OPCML: variants seen among roughly 807,000 people sequenced by gnomAD.
The protein encoded by OPCML is opioid binding protein/cell adhesion molecule like, also known as opioid-binding protein/cell adhesion molecule.
Under a neutral mutation model 37.8 loss-of-function variants are expected in OPCML, and 13 were observed. The observed-to-expected ratio is 0.34, with a 90% CI of 0.22 to 0.55. The LOEUF (loss-of-function observed/expected upper bound fraction) is 0.55. Among genes scored for constraint, OPCML ranks in the 20% least tolerant of loss-of-function variants. The pLI, the probability that OPCML is intolerant of heterozygous loss-of-function variation, is 0.91. For missense variants in OPCML, 341 were observed against 435.6 expected, an observed-to-expected ratio of 0.78 and a Z score of 1.93; for synonymous variants, 176 against 168.8, an observed-to-expected ratio of 1.04 and a Z score of -0.33.
chr11:133,327,362 A>G (rs557812894), intron 1 of OPCML, among the ~76,000 whole-genome samples: 22 of 152,006 alleles, frequency 1.4e-4, no homozygotes, highest in African/African-American at 5.3e-4. Flanking sequence ...CTCTAGGATT[A>G]CTGCTTGTGT....
intron 2 of OPCML, among the ~76,000 whole-genome samples, chr11:132,938,840 G>C (rs1344209553): frequency 6.6e-6 from 1 of 152,186 alleles, no homozygotes; most frequent in Non-Finnish European, 1.5e-5. Context: ...AAGGGCTTTA[G>C]AGCAGTGTTC....
chr11:132,657,818 G>A (rs1164242262), intron 2 of OPCML, among the ~76,000 whole-genome samples: 9 of 152,160 alleles, frequency 5.9e-5, no homozygotes, highest in East Asian at 5.8e-4. Context: ...CTAAGCAGCC[G>A]AAAGCCTGCA....
intron 2 of OPCML, among the ~76,000 whole-genome samples, chr11:132,828,632 A>T (rs989106913): frequency 2.0e-5 from 3 of 152,114 alleles, no homozygotes; most frequent in African/African-American, 4.8e-5. Context: ...AACAGAAAAA[A>T]AAAGTGGAAT....
chr11:132,879,971 T>C (rs1216161476), intron 2 of OPCML, among the ~76,000 whole-genome samples: 1 of 152,216 alleles, frequency 6.6e-6, no homozygotes, highest in Non-Finnish European at 1.5e-5. Flanking sequence ...AGCACATTCT[T>C]TCTTGTCTTC....
intron 1 of OPCML, among the ~76,000 whole-genome samples, chr11:133,493,289 T>A (rs951934059): frequency 6.6e-6 from 1 of 152,190 alleles, no homozygotes; most frequent in African/African-American, 2.4e-5. Context: ...CCCAGCACCC[T>A]TTGGGGAGAT....
chr11:132,666,323 A>G (rs540131451), intron 2 of OPCML, among the ~76,000 whole-genome samples: 2 of 152,316 alleles, frequency 1.3e-5, no homozygotes, highest in South Asian at 4.1e-4. Context: ...CAAGAAAGAC[A>G]GAGAGGAGAT....
intron 2 of OPCML, among the ~76,000 whole-genome samples, chr11:132,762,683 T>C (rs1946305919): frequency 6.6e-6 from 1 of 152,128 alleles, no homozygotes; most frequent in South Asian, 2.1e-4. Flanking sequence ...TCGAGAGTCC[T>C]AGGTCAACTT....
intron 2 of OPCML, among the ~76,000 whole-genome samples, chr11:132,885,225 T>G (rs1164431246): frequency 1.3e-5 from 2 of 152,250 alleles, no homozygotes. Context: ...TAGCAATGTC[T>G]AAAATCCGGG....
chr11:133,507,009 G>C (rs2120586930), intron 1 of OPCML, among the ~76,000 whole-genome samples: 1 of 152,318 alleles, frequency 6.6e-6, no homozygotes, highest in South Asian at 2.1e-4. Flanking sequence ...TTTTATCCCT[G>C]CATGTGGGTC....
rs143494825 is a variant in OPCML, at chr11:132,548,713, G to C, written c.380-19527C>G. 1.9e-3 allele frequency among the ~76,000 whole-genome samples: 286 copies of C among 152,224 alleles called. 2 individuals carry two copies. Among genetic ancestry groups the C allele is most frequent in the African/African-American group, 5.9e-3 (247 of 41,540 alleles). On this transcript the variant is annotated intron_variant, in intron 3 of 7. Coordinates refer to ENST00000524381, the MANE Select transcript of OPCML (RefSeq NM_001012393.5). Reference sequence around the variant, plus strand: ...CAAAAACCAAGTGAACTACTTGAAGGCTGGACCCAAGTTAAATTCAAGCTA... The same window carrying C: ...CAAAAACCAAGTGAACTACTTGAAGCCTGGACCCAAGTTAAATTCAAGCTA...
chr11:133,321,192 A>G (rs1421221236), intron 1 of OPCML, among the ~76,000 whole-genome samples: 1 of 152,166 alleles, frequency 6.6e-6, no homozygotes, highest in Non-Finnish European at 1.5e-5. Context: ...CCCATAATGT[A>G]TTCCTTTTCT....
intron 2 of OPCML, among the ~76,000 whole-genome samples, chr11:132,676,592 C>CA (rs1455755787): frequency 6.6e-6 from 1 of 151,244 alleles, no homozygotes; most frequent in Non-Finnish European, 1.5e-5. Context: ...TCAAGAACAA[C>CA]AAAAAATCCA....
intron 2 of OPCML, among the ~76,000 whole-genome samples, chr11:132,765,498 C>T (rs1489318680): frequency 6.6e-6 from 1 of 152,146 alleles, no homozygotes; most frequent in African/African-American, 2.4e-5. Context: ...CTGTTATTTC[C>T]ATCTCTTAAT....
intron 3 of OPCML, among the ~76,000 whole-genome samples, chr11:132,589,345 C>T (rs963183685): frequency 5.3e-5 from 8 of 152,160 alleles, no homozygotes; most frequent in Non-Finnish European, 7.3e-5. Context: ...CATTGAACAT[C>T]TCTATTGTTA....
Position 133,339,860 on chromosome 11 carries a change from A to C in OPCML, c.61+192404T>G, listed in dbSNP as rs185783231. 6.7e-4 allele frequency among the ~76,000 whole-genome samples: 102 copies of C among 152,314 alleles called. 1 individual carries two copies. Among genetic ancestry groups the C allele is most frequent in the African/African-American group, 2.4e-3 (98 of 41,568 alleles). On this transcript the variant is annotated intron_variant, in intron 1 of 7. Coordinates refer to ENST00000524381, the MANE Select transcript of OPCML (RefSeq NM_001012393.5). ...TCTTGCCAATACTCAGAACATAACA[A>C]AAGCCCAATTGAATTAGATCAGCAT...
chr11:133,105,098 A>T (rs1404701692), intron 1 of OPCML, among the ~76,000 whole-genome samples: 2 of 152,242 alleles, frequency 1.3e-5, no homozygotes, highest in African/African-American at 4.8e-5. Flanking sequence ...TGGAAAAATA[A>T]TCAAAGGTTT....
At chr11:132,904,451 T>C (rs1277486751) in intron 2 of OPCML, among the ~76,000 whole-genome samples, 7 of 152,240 alleles carry the variant, frequency 4.6e-5, no homozygotes, top group Admixed American at 1.3e-4. Context: ...CTGATCGAGT[T>C]GTCTAATTGA....
intron 4 of OPCML, among the ~76,000 whole-genome samples, chr11:132,522,019 C>T (rs1373777987): frequency 1.3e-5 from 2 of 152,172 alleles, no homozygotes; most frequent in Admixed American, 6.5e-5. Context: ...CAACTGCTGG[C>T]CTGTTGTGCA....
chr11:133,041,693 G>T (rs181808925), intron 1 of OPCML, among the ~76,000 whole-genome samples: 181 of 152,240 alleles, frequency 1.2e-3, no homozygotes, highest in Admixed American at 0.01. Flanking sequence ...TCTTCTATCA[G>T]CACGATGGGA....
Sources: gnomAD v4.1 joint callset for allele counts (sites outside exome capture counted in the v4.1 genomes callset) on GRCh38, gnomAD v4.1.1 for gene constraint, MANE v1.5 for transcripts, NCBI Gene and HGNC (gene_info 2026-07-23, HGNC 2026-07-21) for gene names.